The following TFDP2 variants were observed in gnomAD, a reference collection of about 807,000 sequenced individuals.
The protein encoded by TFDP2 is transcription factor Dp-2, also known as transcription factor Dp-2 (E2F dimerization partner 2).
TFDP2 carries 17 observed loss-of-function variants against 59.3 expected under a neutral mutation model. The observed-to-expected ratio is 0.29, with a 90% CI of 0.20 to 0.43. The LOEUF (loss-of-function observed/expected upper bound fraction) is 0.43, where lower values mean the gene tolerates loss of function less well. TFDP2 is among the 20% of genes least tolerant of loss of function. The probability of loss-of-function intolerance (pLI) is 1.00; values close to 1 mark genes in which losing one functional copy is unlikely to be tolerated. For synonymous variants in TFDP2, 180 were observed against 194.7 expected (o/e 0.92, Z 0.63); for missense variants, 391 against 528.8 (o/e 0.74, Z 2.56).
intron 3 of TFDP2, among the ~76,000 whole-genome samples, chr3:142,079,228 G>A (rs1849073): frequency 0.04 from 6,057 of 152,070 alleles, 396 homozygotes; most frequent in African/African-American, 0.14. Flanking sequence ...GCTTGAACCC[G>A]GGAGGCAGAG....
At chr3:142,075,617 C>CGG in intron 3 of TFDP2, among the ~76,000 whole-genome samples, 1 of 151,420 alleles carries the variant, frequency 6.6e-6, no homozygotes, top group Non-Finnish European at 1.5e-5. Context: ...GTATCCAGGC[C>CGG]ACACATGGTG....
chr3:142,013,771 A>C (rs1311031469), intron 3 of TFDP2, among the ~76,000 whole-genome samples: 1 of 132,562 alleles, frequency 7.5e-6, no homozygotes, highest in Non-Finnish European at 1.8e-5. Flanking sequence ...GACACCACAT[A>C]TTTTTTTTTC....
At chr3:142,064,015 G>A (rs1275792864) in intron 3 of TFDP2, among the ~76,000 whole-genome samples, 1 of 152,116 alleles carries the variant, frequency 6.6e-6, no homozygotes, top group Non-Finnish European at 1.5e-5. Context: ...GTGCAGTGGT[G>A]CAATCTTGGG....
At chr3:142,032,373 G>A (rs1017802754) in intron 3 of TFDP2, among the ~76,000 whole-genome samples, 1 of 152,086 alleles carries the variant, frequency 6.6e-6, no homozygotes. Flanking sequence ...GGGATTACGA[G>A]TGTGAGCTAC....
At position 141,947,416 on chromosome 3, in the gene TFDP2, T is replaced by C. The variant is rs1289916465; in HGVS notation, c.*5097A>G. The C allele has an allele frequency of 6.6e-6, 1 of 152,134 alleles. No individual in the cohort carries two copies. The highest frequency in any genetic ancestry group is 1.5e-5 in the Non-Finnish European group (1 of 68,024). The allele number at this position is 152,134 out of a possible 1,614,324, so 9.4% of individuals were successfully genotyped here. On this transcript the variant is annotated 3_prime_UTR_variant, in exon 13 of 13. Coordinates refer to ENST00000489671, the MANE Select transcript of TFDP2 (RefSeq NM_001178139.2). Reference sequence around the variant, plus strand: ...TCAATTTCTAATCATTTTTCTTTCTTTCTTTTTTCTTTTTTTGAGACAGAG... The same window carrying C: ...TCAATTTCTAATCATTTTTCTTTCTCTCTTTTTTCTTTTTTTGAGACAGAG...
chr3:142,060,096 T>TA (rs969889572), intron 3 of TFDP2, among the ~76,000 whole-genome samples: 44 of 152,306 alleles, frequency 2.9e-4, no homozygotes, highest in African/African-American at 5.1e-4. Flanking sequence ...AAGTACCACA[T>TA]AAAAAATCAC....
chr3:142,045,788 CT>C (rs953589461), intron 3 of TFDP2, among the ~76,000 whole-genome samples: 556 of 139,184 alleles, frequency 4.0e-3, no homozygotes, highest in African/African-American at 4.6e-3. Flanking sequence ...AATTTTTGTA[CT>C]TTTTTTTTTT....
chr3:142,036,679 C>A (rs1946708701), intron 3 of TFDP2, among the ~76,000 whole-genome samples: 1 of 152,182 alleles, frequency 6.6e-6, no homozygotes, highest in Non-Finnish European at 1.5e-5. Flanking sequence ...TCAGTAGCTT[C>A]CCATCTGTTA....
chr3:142,027,004 C>A (rs1394488235), intron 3 of TFDP2, among the ~76,000 whole-genome samples: 5 of 152,204 alleles, frequency 3.3e-5, no homozygotes, highest in Non-Finnish European at 7.4e-5. Flanking sequence ...CATCTATCAA[C>A]ATATGTAACT....
chr3:141,975,006 C>T (rs1245543969), intron 7 of TFDP2, among the ~76,000 whole-genome samples: 4 of 150,876 alleles, frequency 2.7e-5, no homozygotes, highest in Admixed American at 1.3e-4. Flanking sequence ...CTCCACCTCC[C>T]GGGTTCAAGC....
intron 3 of TFDP2, among the ~76,000 whole-genome samples, chr3:142,049,515 C>T (rs901210472): frequency 6.6e-6 from 1 of 152,134 alleles, no homozygotes. Flanking sequence ...AAAAATCATA[C>T]TTATGGTAAA....
chr3:142,132,757 A>ATT (rs1225490279), intron 1 of TFDP2, among the ~76,000 whole-genome samples: 1 of 148,890 alleles, frequency 6.7e-6, no homozygotes, highest in African/African-American at 2.6e-5. Flanking sequence ...AAAAAAAAAA[A>ATT]AAAGGATATT....
rs1258738720 is a variant in TFDP2 at position 142,093,066 on chromosome 3, G to A, written c.77C>T (p.Thr26Ile). Residue 26 changes from threonine (T) to isoleucine (I), a missense_variant, in exon 3 of 13, where the codon ACA (threonine) becomes ATA (isoleucine). Transcript: ENST00000489671. ...RGFIDQNLSP[T>I]KGNISFVAFP... ...TTTTATTCAATAATCCTTACCTTTT[G>A]TTGGACTGAGATTCTGATCTATAAA... is the stretch of plus-strand genomic sequence containing the variant. The A allele has an allele frequency of 6.5e-7, 1 of 1,533,900 alleles. No homozygotes were observed. Among genetic ancestry groups the A allele is most frequent in the Non-Finnish European group, 8.7e-7 (1 of 1,146,180 alleles).
chr3:142,101,356 C>CAA lies in TFDP2; in HGVS notation c.15+377_15+378dup, dbSNP rs529718660. 5.8e-3 allele frequency among the ~76,000 whole-genome samples: 496 copies of CAA among 85,964 alleles called. 2 individuals are homozygous for CAA. The highest frequency in any genetic ancestry group is 0.019 in the African/African-American group (460 of 24,578). 56.4% of individuals were successfully genotyped at this position (85,964 alleles called of 152,430 possible). A position where few individuals can be genotyped will look rare whatever the true frequency, so the allele number is the denominator to read the frequency against. The stretch of plus-strand genomic sequence containing the variant: ...GAGCACATACATTTCCCTGAGTAAC[C>CAA]AAAAAAAAAAAAAAAAAATAAGCCA... On this transcript the variant is annotated intron_variant, in intron 2 of 12. Coordinates refer to ENST00000489671, the MANE Select transcript of TFDP2 (RefSeq NM_001178139.2).
chr3:142,034,907 C>T (rs981395481), intron 3 of TFDP2, among the ~76,000 whole-genome samples: 1 of 151,804 alleles, frequency 6.6e-6, no homozygotes, highest in Admixed American at 6.6e-5. Flanking sequence ...AGGGTTTCAC[C>T]GTGTTAACCA....
chr3:141,952,365 A>G lies in TFDP2; in HGVS notation c.*148T>C, dbSNP rs1365072831. 2 of 681,288 alleles carry G rather than the reference A, an allele frequency of 2.9e-6. No homozygotes were observed. Among genetic ancestry groups the G allele is most frequent in the Non-Finnish European group, 4.6e-6 (2 of 436,612 alleles). The allele number at this position is 681,288 out of a possible 1,614,324, so 42.2% of individuals were successfully genotyped here. On this transcript the variant is annotated 3_prime_UTR_variant, in exon 13 of 13. Coordinates refer to ENST00000489671, the MANE Select transcript of TFDP2 (RefSeq NM_001178139.2). ...TTTCATCTCAATCATCTCAGCCTTCATGTGATTTGCTTATTGTGTTTCTCT... is the reference window on the plus strand; with the variant it reads ...TTTCATCTCAATCATCTCAGCCTTCGTGTGATTTGCTTATTGTGTTTCTCT...
intron 3 of TFDP2, among the ~76,000 whole-genome samples, chr3:142,072,490 C>T (rs1028812641): frequency 1.3e-5 from 2 of 152,186 alleles, no homozygotes; most frequent in African/African-American, 2.4e-5. Flanking sequence ...TAGCAATGAG[C>T]TCATTTAGCA....
chr3:142,130,311 C>A (rs548543574), intron 1 of TFDP2, among the ~76,000 whole-genome samples: 1 of 151,934 alleles, frequency 6.6e-6, no homozygotes, highest in African/African-American at 2.4e-5. Flanking sequence ...ACTGTGAGGA[C>A]ATTATGCAAA....
At chr3:141,959,886 G>A (rs907253724) in intron 10 of TFDP2, 46 bp from the exon 11 acceptor site, 1 of 1,592,134 alleles carries the variant, frequency 6.3e-7, no homozygotes, top group Non-Finnish European at 8.6e-7. Flanking sequence ...TGCTGGAGAG[G>A]TCTGAATAGT....
Sources: allele counts gnomAD v4.1 joint callset (sites outside exome capture counted in the v4.1 genomes callset), GRCh38; gene constraint gnomAD v4.1.1; transcripts MANE v1.5; gene names NCBI Gene and HGNC (gene_info 2026-07-23, HGNC 2026-07-21).